The following BPIFB6 variants were observed in gnomAD, a reference collection of about 807,000 sequenced individuals.
BPIFB6 encodes the protein BPI fold-containing family B member 6.
In BPIFB6, 47 loss-of-function variants were observed where a neutral mutation model predicts 54.7. That is an observed-to-expected ratio of 0.86 (90% CI 0.68 to 1.10). BPIFB6 has a LOEUF of 1.10. BPIFB6 is among the 50% of genes least tolerant of loss of function. BPIFB6 has a pLI of 0.00. For synonymous variants in BPIFB6, 255 were observed against 225.9 expected, an observed-to-expected ratio of 1.13 and a Z score of -1.16; for missense variants, 603 against 564.1, an observed-to-expected ratio of 1.07 and a Z score of -0.70.
chr20:33,043,316 C>T lies in BPIFB6; in HGVS notation c.1278C>T (p.Leu426=). 6.2e-7 allele frequency: 1 copy of T among 1,614,182 alleles called. No homozygotes were observed. The highest frequency in any genetic ancestry group is 1.6e-4 in the Middle Eastern group (1 of 6,062). The change falls in exon 14 of 15, where the codon CTC becomes CTT. Residue 426 remains leucine (L), a synonymous_variant. Transcript: ENST00000349552. ...VNDVLQVGLP[L]PDFLAMNYNL... is the part of the protein sequence containing the mutation. ...ATGTGCTTCAAGTGGGGCTCCCACT[C>T]CCGGACTTTCTGGCCATGAATTACA...
At position 33,037,570 on chromosome 20, in the gene BPIFB6, G is replaced by A; in HGVS notation, c.678G>A (p.Val226=). The A allele has an allele frequency of 6.2e-7, 1 of 1,611,128 alleles. No individual in the cohort carries two copies. Among genetic ancestry groups the A allele is most frequent in the Middle Eastern group, 1.8e-4 (1 of 5,690 alleles). ...CTCCTGCTGCCCCATAGCCTGTGGTGCAGCAGCAAAAGGGCAAAACCATCA... is the reference window on the plus strand; with the variant it reads ...CTCCTGCTGCCCCATAGCCTGTGGTACAGCAGCAAAAGGGCAAAACCATCA... ...SYIQLDFSPV[V]QQQKGKTIKL... is the part of the protein sequence containing the mutation. The change falls in exon 8 of 15, where the codon GTG becomes GTA. Residue 226 remains valine (V), a synonymous_variant. Transcript: ENST00000349552.
chr20:33,043,198 C>T (rs1979665174), intron 13 of BPIFB6, 93 bp from the exon 14 acceptor site: 2 of 1,092,298 alleles, frequency 1.8e-6, no homozygotes, highest in East Asian at 4.7e-5. Context: ...GAATCAATCA[C>T]TGCACTATTT....
At chr20:33,038,662 A>C (rs58504883) in intron 8 of BPIFB6, among the ~76,000 whole-genome samples, 2 of 152,088 alleles carry the variant, frequency 1.3e-5, no homozygotes, top group Non-Finnish European at 2.9e-5. Context: ...TCTCCCATCT[A>C]TCTTCCTGCT....
Position 33,038,957 on chromosome 20 carries a change from C to T in BPIFB6, c.895C>T (p.Pro299Ser), listed in dbSNP as rs757258427. 2 of 1,614,048 alleles carry T rather than the reference C, an allele frequency of 1.2e-6. No homozygotes were observed. Among genetic ancestry groups the T allele is most frequent in the South Asian group, 2.2e-5 (2 of 91,052 alleles). Residue 299 changes from proline to serine, a missense_variant, in exon 9 of 15, where the codon CCT becomes TCT. By Grantham distance (74) the Pro-to-Ser change is moderately conservative (BLOSUM62 -1). Coordinates refer to ENST00000349552, the MANE Select transcript of BPIFB6 (RefSeq NM_174897.2). ...CACCAAGACCCTGGCTCGCTTCATT[C>T]CTGAAGTGAGTGCCCCACCTCCCCA... ...QTTKTLARFI[P>S]EVAVAYPKSK... is the part of the protein sequence containing the mutation.
chr20:33,038,829 C>T (rs562367587), intron 8 of BPIFB6, 80 bp from the exon 9 acceptor site: 28 of 1,355,952 alleles, frequency 2.1e-5, no homozygotes, highest in Middle Eastern at 1.8e-4. Flanking sequence ...AAGGGTACAC[C>T]TTGTTAAGTC....
chr20:33,035,075 A>G lies in BPIFB6; in HGVS notation c.453-6A>G. 6.2e-7 allele frequency: 1 copy of G among 1,613,140 alleles called. No homozygotes were observed. The highest frequency in any genetic ancestry group is 8.5e-7 in the Non-Finnish European group (1 of 1,179,804). ...CCACCTATCCTCGGTGCCTGTGTCC[A>G]TCTAGCATGCTCCCCAAGATGGTCA... On this transcript the variant is annotated splice_polypyrimidine_tract_variant and splice_region_variant and intron_variant, in intron 4 of 14. Transcript: ENST00000349552.
intron 7 of BPIFB6, among the ~76,000 whole-genome samples, chr20:33,037,214 G>A (rs758650250): frequency 2.6e-5 from 4 of 152,174 alleles, no homozygotes; most frequent in Non-Finnish European, 5.9e-5. Context: ...ATTCTTACAC[G>A]CCCCGTGTCG....
chr20:33,036,552 C>T lies in BPIFB6; in HGVS notation c.669+16C>T, dbSNP rs1342900958. 1 of 1,607,012 alleles carries T rather than the reference C, an allele frequency of 6.2e-7. No individual in the cohort carries two copies. The highest frequency in any genetic ancestry group is 8.5e-7 in the Non-Finnish European group (1 of 1,173,548). On this transcript the variant is annotated intron_variant, in intron 7 of 14. Coordinates refer to ENST00000349552, the MANE Select transcript of BPIFB6 (RefSeq NM_174897.2). ...GGACTTCAGTGTAAGCGCCTAGGGC[C>T]ACCTGGGAGCTGGGGTCTCAGGCTC...
intron 12 of BPIFB6, among the ~76,000 whole-genome samples, chr20:33,042,222 G>A (rs546682404): frequency 6.6e-6 from 1 of 152,258 alleles, no homozygotes; most frequent in South Asian, 2.1e-4. Context: ...GATAGAATCT[G>A]GACATCTCCC....
intron 1 of BPIFB6, 149 bp from the exon 2 acceptor site, chr20:33,032,835 T>C (rs1427742711): frequency 3.3e-6 from 2 of 609,236 alleles, no homozygotes; most frequent in Non-Finnish European, 6.0e-6. Flanking sequence ...TGACTCCATC[T>C]TCCCCCATTA....
At chr20:33,037,488 T>C (rs1480619534) in intron 7 of BPIFB6, 74 bp from the exon 8 acceptor site, 13 of 1,457,274 alleles carry the variant, frequency 8.9e-6, no homozygotes, top group Non-Finnish European at 1.2e-5. Context: ...CCCCATTTGC[T>C]TGGAGGACTG....
At chr20:33,040,958 A>G (rs1467690715) in intron 11 of BPIFB6, among the ~76,000 whole-genome samples, 1 of 150,960 alleles carries the variant, frequency 6.6e-6, no homozygotes, top group Non-Finnish European at 1.5e-5. Flanking sequence ...TCCTTGGCTC[A>G]TATAACTGAA....
At chr20:33,043,410 C>A in intron 14 of BPIFB6, 43 bp downstream of exon 14, 1 of 1,562,438 alleles carries the variant, frequency 6.4e-7, no homozygotes, top group Non-Finnish European at 8.8e-7. Context: ...TCAACACTGT[C>A]AGCCAGTGAG....
rs1328789854 is a variant in BPIFB6 at position 33,040,299 on chromosome 20, A to G, written c.1123A>G (p.Met375Val). The G allele has an allele frequency of 6.2e-7, 1 of 1,614,110 alleles. No homozygotes were observed. ...CTCAGTGCATGAGAACCAGCTGCAG[A>G]TGGCCACTTCTTTGGACAGGTACGA... ...QYSVHENQLQ[M>V]ATSLDRLLSL... Residue 375 changes from methionine (M) to valine (V), a missense_variant, in exon 11 of 15, where the codon ATG becomes GTG. Coordinates refer to ENST00000349552, the MANE Select transcript of BPIFB6 (RefSeq NM_174897.2).
intron 5 of BPIFB6, 41 bp from the exon 6 acceptor site, chr20:33,035,571 A>T: frequency 6.2e-7 from 1 of 1,600,568 alleles, no homozygotes; most frequent in Non-Finnish European, 8.6e-7. Flanking sequence ...GAGGCTCTCC[A>T]TGCAGGGACC....
chr20:33,039,026 C>T (rs1167447638), intron 9 of BPIFB6, 64 bp downstream of exon 9: 4 of 1,537,410 alleles, frequency 2.6e-6, no homozygotes, highest in Non-Finnish European at 3.6e-6. Flanking sequence ...CCAGTCTGTC[C>T]TGCAGTGGGA....
At chr20:33,032,959 C>T in intron 1 of BPIFB6, 25 bp from the exon 2 acceptor site, 1 of 1,590,850 alleles carries the variant, frequency 6.3e-7, no homozygotes, top group Middle Eastern at 1.7e-4. Flanking sequence ...GGGAAAATCT[C>T]TCCAACTAAG....
chr20:33,033,264 C>T (rs1254509705), intron 2 of BPIFB6, 181 bp downstream of exon 2: 1 of 684,540 alleles, frequency 1.5e-6, no homozygotes, highest in East Asian at 2.9e-5. Flanking sequence ...GTGCCTGGAC[C>T]TCCTCAGCCA....
rs1415744440 is a variant in BPIFB6 at position 33,038,940 on chromosome 20, C to T, written c.878C>T (p.Thr293Ile). 1 of 1,613,952 alleles carries T rather than the reference C, an allele frequency of 6.2e-7. No homozygotes were observed. The highest frequency in any genetic ancestry group is 8.5e-7 in the Non-Finnish European group (1 of 1,180,018). Residue 293 changes from threonine (T) to isoleucine (I), a missense_variant, in exon 9 of 15, where the codon ACC becomes ATC. Thr to Ile is a moderately conservative substitution (Grantham distance 89). Coordinates refer to ENST00000349552, the MANE Select transcript of BPIFB6 (RefSeq NM_174897.2). ...GAGCTGCCCCCACAAACCACCAAGA[C>T]CCTGGCTCGCTTCATTCCTGAAGTG... Reference protein sequence around the residue: ...IGELPPQTTKTLARFIPEVAV... With the variant: ...IGELPPQTTKILARFIPEVAV...
Sources: gnomAD v4.1 joint callset for allele counts (sites outside exome capture counted in the v4.1 genomes callset) on GRCh38, gnomAD v4.1.1 for gene constraint, MANE v1.5 for transcripts, NCBI Gene and HGNC (gene_info 2026-07-23, HGNC 2026-07-21) for gene names.